The following CAPN8 variants were observed in gnomAD, a reference collection of about 807,000 sequenced individuals.
The protein encoded by CAPN8 is calpain-8.
In CAPN8, 87 loss-of-function variants were observed where a neutral mutation model predicts 80.9. That is an observed-to-expected ratio of 1.07 (90% CI 0.90 to 1.28). CAPN8 has a LOEUF of 1.28. Ranked by LOEUF, CAPN8 falls within the 50% of genes most tolerant of loss-of-function variation. The pLI is 0.00. For missense variants in CAPN8, 757 were observed against 702.0 expected, an observed-to-expected ratio of 1.08 and a Z score of -0.89; for synonymous variants, 299 against 273.8, an observed-to-expected ratio of 1.09 and a Z score of -0.91.
At chr1:223,622,520 C>T (rs540059045) in intron 7 of CAPN8, 7 of 434,498 alleles carry the variant, frequency 1.6e-5, no homozygotes, top group African/African-American at 6.0e-5. Context: ...TGGACCAGCA[C>T]GGTGCGTCAG....
intron 9 of CAPN8, chr1:223,617,157 G>A (rs1183499502): frequency 6.6e-6 from 1 of 152,050 alleles, no homozygotes; most frequent in Non-Finnish European, 1.5e-5. Flanking sequence ...TTAAAGAAGA[G>A]TCTAACTTGG....
In CAPN8 at chr1:223,628,671, A is replaced by G; in HGVS notation, c.417T>C (p.Phe139=). 6.4e-7 allele frequency: 1 copy of G among 1,551,224 alleles called. No homozygotes were observed. The highest frequency in any genetic ancestry group is 8.7e-7 in the Non-Finnish European group (1 of 1,146,526). ...GAGCAGAGCACAGTACCTGAAAGTG[A>G]AAGATTCCCGCATAGTTCTCCTGGA... ...QDFQENYAGI[F]HFQFWQYGEW... is the part of the protein sequence containing the mutation. Residue 139 remains phenylalanine (F), a synonymous_variant, in exon 3 of 21, where the codon TTT becomes TTC. Transcript: ENST00000366872.
At chr1:223,658,862 C>T (rs7516954) in intron 1 of CAPN8, among the ~76,000 whole-genome samples, 42,411 of 151,990 alleles carry the variant, frequency 0.28, 5,947 homozygotes, top group South Asian at 0.34. Context: ...CATCTCACTA[C>T]GATGCCCAAA....
chr1:223,551,325 T>G (rs1656781580), intron 14 of CAPN8, among the ~76,000 whole-genome samples: 1 of 152,184 alleles, frequency 6.6e-6, no homozygotes, highest in African/African-American at 2.4e-5. Context: ...GTATTTTTAG[T>G]AGAGACGGGG....
chr1:223,614,379 G>A (rs974003393), intron 10 of CAPN8, among the ~76,000 whole-genome samples: 3 of 146,064 alleles, frequency 2.1e-5, no homozygotes, highest in East Asian at 2.0e-4. Flanking sequence ...CAGCCTGGGC[G>A]ACATAGTGAG....
At chr1:223,634,950 G>A (rs1657874495) in intron 2 of CAPN8, among the ~76,000 whole-genome samples, 1 of 152,168 alleles carries the variant, frequency 6.6e-6, no homozygotes, top group African/African-American at 2.4e-5. Context: ...AACAGACAGA[G>A]GCATAATACC....
intron 10 of CAPN8, among the ~76,000 whole-genome samples, chr1:223,612,964 C>A (rs1478630317): frequency 1.3e-5 from 2 of 152,130 alleles, no homozygotes; most frequent in South Asian, 4.1e-4. Context: ...TAGCCTAGCT[C>A]GAGTTGGGCT....
At chr1:223,614,611 C>T (rs1397421473) in intron 10 of CAPN8, among the ~76,000 whole-genome samples, 1 of 152,178 alleles carries the variant, frequency 6.6e-6, no homozygotes, top group Admixed American at 6.5e-5. Flanking sequence ...GTGAACCCAG[C>T]CCATTGTGTC....
At position 223,549,501 on chromosome 1, in the gene CAPN8, T is replaced by A. The variant is rs1340386847; in HGVS notation, c.1700-119A>T. ...CAAGGGTGTGGAACCGAACTTGGTC[T>A]CTGCCAAAAGGGGAGAGCATCATGG... On this transcript the variant is annotated intron_variant, in intron 15 of 20. Transcript: ENST00000366872. 5.4e-6 allele frequency: 8 copies of A among 1,473,896 alleles called. No individual in the cohort carries two copies. The East Asian group carries it at 1.7e-4, about 32-fold the overall frequency. 91.3% of individuals were successfully genotyped at this position (1,473,896 alleles called of 1,614,324 possible).
intron 9 of CAPN8, 23 bp from the exon 10 acceptor site, chr1:223,616,168 T>C (rs1657179405): frequency 1.3e-6 from 2 of 1,539,406 alleles, no homozygotes; most frequent in Admixed American, 2.0e-5. Flanking sequence ...CAGGTGATGG[T>C]GGTTCCCCAC....
Position 223,616,134 on chromosome 1 carries a change from T to C in CAPN8, c.1147A>G (p.Thr383Ala), listed in dbSNP as rs1288622364. The change falls in exon 10 of 21, where the codon ACC (threonine) becomes GCC (alanine). Residue 383 changes from threonine to alanine, a missense_variant. Transcript: ENST00000366872. ...GCQNYPATYW[T>A]NPQFKIRLDE... is the part of the protein sequence containing the mutation. The stretch of plus-strand genomic sequence containing the variant: ...AAACGGATTTTGAACTGGGGATTGG[T>C]CCAGTACGTGGCTGGAAGTCACCCA... 6.5e-7 allele frequency: 1 copy of C among 1,548,696 alleles called. No homozygotes were observed. Among genetic ancestry groups the C allele is most frequent in the African/African-American group, 1.4e-5 (1 of 73,024 alleles).
rs981574264 is a variant in CAPN8, at chr1:223,557,089, G to C, written c.1572+1042C>G. ...AGTGCACAGGGAAGCAGTCACACCA[G>C]TTCAGAAACTAACTGGAATAAGAAA... On this transcript the variant is annotated intron_variant, in intron 13 of 20. Transcript: ENST00000366872. Among the ~76,000 whole-genome samples, 5 of 152,166 alleles carry C rather than the reference G, an allele frequency of 3.3e-5. 1 individual carries two copies. Among genetic ancestry groups the C allele is most frequent in the Admixed American group, 3.3e-4 (5 of 15,286 alleles).
chr1:223,558,100 T>A, intron 13 of CAPN8, 31 bp downstream of exon 13: 1 of 398,628 alleles, frequency 2.5e-6, no homozygotes, highest in East Asian at 3.6e-5. Context: ...TGCAACAGTG[T>A]CAGAGTTTGG....
chr1:223,622,863 A>G lies in CAPN8; in HGVS notation c.851T>C (p.Leu284Pro), dbSNP rs772367673. The G allele has an allele frequency of 3.2e-6, 5 of 1,551,754 alleles. No homozygotes were observed. The highest frequency in any genetic ancestry group is 4.4e-6 in the Non-Finnish European group (5 of 1,147,000). The part of the protein sequence containing the change: ...FQGHPEKLIR[L>P]RNPWGEVEWS... The stretch of plus-strand genomic sequence containing the variant: ...CTCCACTTCACCCCATGGATTCCTG[A>G]GTCTGATCAGCTTCTCTGGATGGCC... Residue 284 changes from leucine (L) to proline (P), a missense_variant, in exon 7 of 21, where the codon CTC (leucine) becomes CCC (proline). Leu to Pro is a moderately conservative substitution (Grantham distance 98). Transcript: ENST00000366872.
chr1:223,639,996 G>A (rs979766280), intron 2 of CAPN8, among the ~76,000 whole-genome samples: 4 of 152,168 alleles, frequency 2.6e-5, no homozygotes, highest in Non-Finnish European at 5.9e-5. Flanking sequence ...TTAGATCTCT[G>A]TACAAAGGTA....
chr1:223,549,696 A>G, intron 15 of CAPN8: 1 of 485,644 alleles, frequency 2.1e-6, no homozygotes, highest in East Asian at 4.0e-5. Context: ...AAATGGGAAT[A>G]ATCATGATAG....
intron 19 of CAPN8, among the ~76,000 whole-genome samples, chr1:223,543,673 CTTCA>C (rs1656534236): frequency 6.6e-6 from 1 of 152,180 alleles, no homozygotes; most frequent in South Asian, 2.1e-4. Flanking sequence ...CCCCCCATCC[CTTCA>C]TTGGAAGGTG....
At chr1:223,627,889 G>C in intron 4 of CAPN8, 120 bp downstream of exon 4, 1 of 1,213,492 alleles carries the variant, frequency 8.2e-7, no homozygotes, top group African/African-American at 1.5e-5. Context: ...TGGGGGTCTG[G>C]ATGCTGGGAA....
intron 7 of CAPN8, among the ~76,000 whole-genome samples, chr1:223,620,685 C>A (rs1443179487): frequency 6.6e-6 from 1 of 152,150 alleles, no homozygotes; most frequent in Non-Finnish European, 1.5e-5. Context: ...TCTGGCTTAT[C>A]CAGCAGTCTA....
Sources: gnomAD v4.1 joint callset for allele counts (sites outside exome capture counted in the v4.1 genomes callset) on GRCh38, gnomAD v4.1.1 for gene constraint, MANE v1.5 for transcripts, NCBI Gene and HGNC (gene_info 2026-07-23, HGNC 2026-07-21) for gene names.